The following ERBB4 variants were observed in gnomAD, a reference collection of about 807,000 sequenced individuals.
ERBB4 encodes erb-b2 receptor tyrosine kinase 4.
Under a neutral mutation model 158.0 loss-of-function variants are expected in ERBB4, and 42 were observed. The observed-to-expected ratio is 0.27, with a 90% CI of 0.21 to 0.34. ERBB4 has a LOEUF of 0.34. ERBB4 is among the 10% of genes least tolerant of loss of function. ERBB4 has a pLI of 1.00. For synonymous variants in ERBB4, 583 were observed against 558.7 expected (o/e 1.04, Z -0.61); for missense variants, 1,333 against 1,624.1 (o/e 0.82, Z 3.08).
At chr2:211,906,922 T>G (rs2125046033) in intron 3 of ERBB4, among the ~76,000 whole-genome samples, 1 of 151,784 alleles carries the variant, frequency 6.6e-6, no homozygotes, top group African/African-American at 2.4e-5. Context: ...GTTTGGCATG[T>G]CTATGTGCCT....
chr2:211,659,126 T>A (rs924774461), intron 15 of ERBB4, among the ~76,000 whole-genome samples: 7 of 152,232 alleles, frequency 4.6e-5, no homozygotes, highest in Middle Eastern at 3.4e-3. Flanking sequence ...TATATTTAAA[T>A]AACTCTAAAC....
chr2:212,043,192 A>C (rs1014693327), intron 2 of ERBB4, among the ~76,000 whole-genome samples: 1 of 152,160 alleles, frequency 6.6e-6, no homozygotes, highest in Non-Finnish European at 1.5e-5. Flanking sequence ...CTTAAGTGAC[A>C]ATTAGTTCAG....
chr2:212,441,847 A>G (rs1161010967), intron 1 of ERBB4, among the ~76,000 whole-genome samples: 1 of 152,206 alleles, frequency 6.6e-6, no homozygotes, highest in Non-Finnish European at 1.5e-5. Context: ...GGTGGCGTGG[A>G]TTAATCACTT....
intron 16 of ERBB4, among the ~76,000 whole-genome samples, chr2:211,637,593 T>C (rs1186456789): frequency 6.6e-6 from 1 of 152,036 alleles, no homozygotes; most frequent in Non-Finnish European, 1.5e-5. Context: ...TATATACTAC[T>C]TTTAAATTTA....
rs145267392 is a variant in ERBB4 at position 212,012,016 on chromosome 2, A to G, written c.235-64400T>C. On this transcript the variant is annotated intron_variant, in intron 2 of 27. Transcript: ENST00000342788. Reference sequence around the variant, plus strand: ...TTCGGTTACCGTGAAGAATAAATTTATACAGGAAAGTTAGGATCCAAAGGT... The same window carrying G: ...TTCGGTTACCGTGAAGAATAAATTTGTACAGGAAAGTTAGGATCCAAAGGT... 9.8e-5 allele frequency among the ~76,000 whole-genome samples: 15 copies of G among 152,344 alleles called. No individual in the cohort carries two copies. The East Asian group carries it at 2.5e-3, about 26-fold the overall frequency.
chr2:211,796,058 C>T (rs937055640), intron 3 of ERBB4, among the ~76,000 whole-genome samples: 1 of 151,794 alleles, frequency 6.6e-6, no homozygotes, highest in Admixed American at 6.6e-5. Context: ...TGTGCATTAT[C>T]ATATTCAATT....
intron 20 of ERBB4, among the ~76,000 whole-genome samples, chr2:211,440,680 C>T (rs1454373639): frequency 6.6e-6 from 1 of 152,170 alleles, no homozygotes; most frequent in Non-Finnish European, 1.5e-5. Flanking sequence ...CAAAGCAAAA[C>T]TTCTGCCATC....
At chr2:212,298,572 C>T (rs2086502423) in intron 1 of ERBB4, among the ~76,000 whole-genome samples, 1 of 151,682 alleles carries the variant, frequency 6.6e-6, no homozygotes, top group Non-Finnish European at 1.5e-5. Flanking sequence ...AAGAGTAGTA[C>T]TTCTTCCCTA....
At chr2:212,291,847 C>T (rs1478744080) in intron 1 of ERBB4, among the ~76,000 whole-genome samples, 3 of 151,938 alleles carry the variant, frequency 2.0e-5, no homozygotes, top group Non-Finnish European at 4.4e-5. Context: ...GGATGTATAA[C>T]TCTATTTTTC....
intron 3 of ERBB4, among the ~76,000 whole-genome samples, chr2:211,816,928 ATGCTTGACCAT>A (rs530714780): frequency 7.2e-5 from 11 of 152,180 alleles, no homozygotes; most frequent in Non-Finnish European, 1.6e-4. Flanking sequence ...GTAAAACTCT[ATGCTTGACCAT>A]AAACAGCCTT....
At chr2:211,963,955 T>G (rs550126875) in intron 2 of ERBB4, among the ~76,000 whole-genome samples, 2 of 152,244 alleles carry the variant, frequency 1.3e-5, no homozygotes, top group South Asian at 2.1e-4. Flanking sequence ...GAGGAACAAA[T>G]GAAAAAATGA....
chr2:212,102,027 T>C (rs944963751), intron 2 of ERBB4, among the ~76,000 whole-genome samples: 1 of 149,242 alleles, frequency 6.7e-6, no homozygotes, highest in East Asian at 2.0e-4. Flanking sequence ...TAGAACTCTT[T>C]CCCTTGAACT....
At chr2:211,389,276 C>T (rs543624064) in intron 25 of ERBB4, among the ~76,000 whole-genome samples, 2 of 152,242 alleles carry the variant, frequency 1.3e-5, no homozygotes, top group Admixed American at 1.3e-4. Flanking sequence ...ACCTGGTGAT[C>T]CGCCTGCCTC....
At position 212,331,331 on chromosome 2, in the gene ERBB4, T is replaced by C. The variant is rs980723051; in HGVS notation, c.83-206428A>G. ...AGCATAATCATACAAATAATTAGTA[T>C]ATAAAACCGAGAATGTCTCAATGCT... On this transcript the variant is annotated intron_variant, in intron 1 of 27. Transcript: ENST00000342788. 5.0e-4 allele frequency among the ~76,000 whole-genome samples: 75 copies of C among 151,504 alleles called. 1 individual carries two copies. Among genetic ancestry groups the C allele is most frequent in the Non-Finnish European group, 2.9e-5 (2 of 67,870 alleles).
intron 20 of ERBB4, among the ~76,000 whole-genome samples, chr2:211,459,261 C>A (rs995227512): frequency 6.6e-6 from 1 of 152,146 alleles, no homozygotes; most frequent in African/African-American, 2.4e-5. Context: ...TTAGGACCAA[C>A]AACTAGAAAA....
rs970153426 is a variant in ERBB4 at position 211,660,243 on chromosome 2, C to G, written c.1872-2415G>C. On this transcript the variant is annotated intron_variant, in intron 15 of 27. Coordinates refer to ENST00000342788, the MANE Select transcript of ERBB4 (RefSeq NM_005235.3). ...TAGATTAGTATTTTCAGTAAATCTC[C>G]TAGCTCTGTGGATACTAGTCAGCTG... Among the ~76,000 whole-genome samples, 3 of 152,156 alleles carry G rather than the reference C, an allele frequency of 2.0e-5. No homozygotes were observed. In the South Asian group the frequency reaches 6.2e-4, roughly 32 times the overall value.
chr2:211,659,974 C>T (rs2071357834), intron 15 of ERBB4, among the ~76,000 whole-genome samples: 1 of 152,082 alleles, frequency 6.6e-6, no homozygotes, highest in Non-Finnish European at 1.5e-5. Flanking sequence ...ATTTAGAGTT[C>T]TGCAAACTGG....
intron 2 of ERBB4, among the ~76,000 whole-genome samples, chr2:211,952,008 GA>G (rs1213395679): frequency 3.3e-5 from 5 of 151,530 alleles, no homozygotes; most frequent in Admixed American, 1.3e-4. Flanking sequence ...GTAAATAATA[GA>G]AAAAAAATCA....
intron 5 of ERBB4, among the ~76,000 whole-genome samples, chr2:211,732,234 T>C (rs2074447258): frequency 6.6e-6 from 1 of 152,108 alleles, no homozygotes; most frequent in African/African-American, 2.4e-5. Context: ...AGAGGAAGGC[T>C]TCATCATAAG....
Sources: gnomAD v4.1 joint callset for allele counts (sites outside exome capture counted in the v4.1 genomes callset) on GRCh38, gnomAD v4.1.1 for gene constraint, MANE v1.5 for transcripts, NCBI Gene and HGNC (gene_info 2026-07-23, HGNC 2026-07-21) for gene names.